Variants in TTLL1 observed in about 807,000 individuals in gnomAD.
The protein encoded by TTLL1 is polyglutamylase complex subunit TTLL1.
In TTLL1, 33 loss-of-function variants were observed where a neutral mutation model predicts 47.8. The observed-to-expected ratio is 0.69, with a 90% CI of 0.52 to 0.92. The LOEUF (loss-of-function observed/expected upper bound fraction) is 0.92. TTLL1 is among the 40% of genes least tolerant of loss of function. The pLI, the probability that TTLL1 is intolerant of heterozygous loss-of-function variation, is 0.00. For synonymous variants in TTLL1, 225 were observed against 214.1 expected, an observed-to-expected ratio of 1.05 and a Z score of -0.45; for missense variants, 488 against 547.5, an observed-to-expected ratio of 0.89 and a Z score of 1.08.
intron 1 of TTLL1, among the ~76,000 whole-genome samples, chr22:43,088,826 CCCTCTTAGCTGATAGG>C (rs1414118949): frequency 1.3e-5 from 2 of 152,152 alleles, no homozygotes; most frequent in Non-Finnish European, 2.9e-5. Context: ...CCCCGCCCTG[CCCTCTTAGCTGATAGG>C]GAATCAGAGA....
intron 3 of TTLL1, among the ~76,000 whole-genome samples, chr22:43,070,987 A>T (rs1432289628): frequency 6.6e-6 from 1 of 152,048 alleles, no homozygotes; most frequent in Non-Finnish European, 1.5e-5. Flanking sequence ...ATCTCGCCGC[A>T]CTGCAACCTC....
At chr22:43,079,134 G>T (rs1928706760) in intron 2 of TTLL1, among the ~76,000 whole-genome samples, 1 of 103,408 alleles carries the variant, frequency 9.7e-6, no homozygotes, top group Admixed American at 1.0e-4. Flanking sequence ...GGGACCATGG[G>T]AGCCGCACCC....
At chr22:43,069,525 C>T in intron 4 of TTLL1, 111 bp downstream of exon 4, 3 of 1,543,276 alleles carry the variant, frequency 1.9e-6, no homozygotes, top group Non-Finnish European at 2.6e-6. Context: ...CCACAACTCG[C>T]ATGGACATGC....
chr22:43,047,411 C>A (rs534379052), intron 9 of TTLL1, among the ~76,000 whole-genome samples: 1 of 152,338 alleles, frequency 6.6e-6, no homozygotes, highest in South Asian at 2.1e-4. Context: ...AAGATCCACA[C>A]ATTAAAATGA....
chr22:43,039,747 G>A lies in TTLL1; in HGVS notation c.*29C>T, dbSNP rs761672005. The A allele has an allele frequency of 7.0e-6, 11 of 1,565,856 alleles. No individual in the cohort carries two copies. The highest frequency in any genetic ancestry group is 1.7e-4 in the Middle Eastern group (1 of 5,880). On this transcript the variant is annotated 3_prime_UTR_variant, in exon 11 of 11. Coordinates refer to ENST00000266254, the MANE Select transcript of TTLL1 (RefSeq NM_012263.5). ...GCTTCAGCAGGGGCCCAGGTGGAGTGAGTAGTTTTGATAAGGTCCAGGTGG... is the reference window on the plus strand; with the variant it reads ...GCTTCAGCAGGGGCCCAGGTGGAGTAAGTAGTTTTGATAAGGTCCAGGTGG...
rs574563364 is a variant in TTLL1 at position 43,050,648 on chromosome 22, C to T, written c.978+1153G>A. Among the ~76,000 whole-genome samples, 20 of 151,840 alleles carry T rather than the reference C, an allele frequency of 1.3e-4. No individual in the cohort carries two copies. The East Asian group carries it at 3.0e-3, about 22-fold the overall frequency. ...AGCGATTCTTCTGCCTCGGCCTCCC[C>T]GGTAGCTGGGATTACAGGTGCACAC... On this transcript the variant is annotated intron_variant, in intron 9 of 10. Coordinates refer to ENST00000266254, the MANE Select transcript of TTLL1 (RefSeq NM_012263.5).
In TTLL1 at chr22:43,075,408, A is replaced by G; in HGVS notation, c.113+66T>C. On this transcript the variant is annotated intron_variant, in intron 3 of 10. Transcript: ENST00000266254. ...GCTCTGAGGCCACTCTCTGGGAGGC[A>G]CTGGAATTAGTAAAACCGATACGTA... 3.0e-6 allele frequency: 4 copies of G among 1,342,138 alleles called. No individual in the cohort carries two copies. The Admixed American group carries it at 5.1e-5, about 17-fold the overall frequency. 83.1% of individuals were successfully genotyped at this position (1,342,138 alleles called of 1,614,324 possible). A position where few individuals can be genotyped will look rare whatever the true frequency, so the allele number is the denominator to read the frequency against.
In TTLL1 at chr22:43,051,992, A is replaced by G. The variant is rs893369410; in HGVS notation, c.892-105T>C. On this transcript the variant is annotated intron_variant, in intron 8 of 10. Transcript: ENST00000266254. ...ATCGTCCCACGTCCCGACCTCCCAC[A>G]GCACAGGTTCCCACCCTCCACCACA... The G allele has an allele frequency of 6.9e-6, 7 of 1,019,446 alleles. No homozygotes were observed. The African/African-American group carries it at 9.4e-5, about 14-fold the overall frequency. The allele number at this position is 1,019,446 out of a possible 1,614,324, so 63.2% of individuals were successfully genotyped here. A position where few individuals can be genotyped will look rare whatever the true frequency, so the allele number is the denominator to read the frequency against.
intron 3 of TTLL1, chr22:43,070,060 G>A: frequency 8.4e-7 from 1 of 1,190,976 alleles, no homozygotes; most frequent in Non-Finnish European, 1.2e-6. Flanking sequence ...CAGGAGCTGT[G>A]CTGATTCTGA....
At chr22:43,085,867 C>T (rs896514928) in intron 1 of TTLL1, among the ~76,000 whole-genome samples, 2 of 152,182 alleles carry the variant, frequency 1.3e-5, no homozygotes, top group Non-Finnish European at 2.9e-5. Context: ...TAGCAACCTC[C>T]TGCGGGGCAG....
At chr22:43,078,216 C>G (rs377693606) in intron 2 of TTLL1, among the ~76,000 whole-genome samples, 3 of 152,222 alleles carry the variant, frequency 2.0e-5, no homozygotes, top group Middle Eastern at 3.4e-3. Flanking sequence ...CCAGACTCAG[C>G]TGGGTGCAGT....
chr22:43,050,626 G>C (rs911492545), intron 9 of TTLL1, among the ~76,000 whole-genome samples: 6 of 151,468 alleles, frequency 4.0e-5, no homozygotes, highest in Non-Finnish European at 8.8e-5. Context: ...CAGTTCAAGC[G>C]ATTCTTCTGC....
intron 9 of TTLL1, among the ~76,000 whole-genome samples, chr22:43,049,861 AG>A (rs749481155): frequency 1.4e-4 from 22 of 151,738 alleles, no homozygotes; most frequent in East Asian, 1.9e-4. Context: ...TGGGAGGCCG[AG>A]GCAGGCAAAT....
At chr22:43,046,176 G>T (rs1403537188) in intron 10 of TTLL1, among the ~76,000 whole-genome samples, 2 of 152,102 alleles carry the variant, frequency 1.3e-5, no homozygotes, top group South Asian at 4.1e-4. Context: ...AGCCAAGATC[G>T]TGCCACTGCA....
At chr22:43,072,789 A>AT (rs896941976) in intron 3 of TTLL1, among the ~76,000 whole-genome samples, 4 of 151,526 alleles carry the variant, frequency 2.6e-5, no homozygotes, top group African/African-American at 9.7e-5. Flanking sequence ...CACCCAGCTA[A>AT]TTTTTTTGAG....
chr22:43,073,824 TA>T (rs1725465803), intron 3 of TTLL1, among the ~76,000 whole-genome samples: 2 of 151,326 alleles, frequency 1.3e-5, no homozygotes, highest in African/African-American at 4.9e-5. Context: ...TTTATTTATT[TA>T]TTTATTTATT....
chr22:43,058,664 C>A (rs565870508), intron 8 of TTLL1, among the ~76,000 whole-genome samples: 1 of 151,894 alleles, frequency 6.6e-6, no homozygotes, highest in Non-Finnish European at 1.5e-5. Flanking sequence ...GATGTGCAGG[C>A]GGCAAGAAAG....
At chr22:43,067,007 A>C (rs1353439581) in intron 5 of TTLL1, among the ~76,000 whole-genome samples, 3 of 151,974 alleles carry the variant, frequency 2.0e-5, no homozygotes, top group Non-Finnish European at 4.4e-5. Flanking sequence ...AAAAAAAAGT[A>C]AACATGCTAT....
At chr22:43,078,664 TGAC>T (rs1928668359) in intron 2 of TTLL1, among the ~76,000 whole-genome samples, 1 of 152,052 alleles carries the variant, frequency 6.6e-6, no homozygotes, top group African/African-American at 2.4e-5. Context: ...GGCAGGATGA[TGAC>T]AACACCCAGG....
Sources: allele counts gnomAD v4.1 joint callset (sites outside exome capture counted in the v4.1 genomes callset), GRCh38; gene constraint gnomAD v4.1.1; transcripts MANE v1.5; gene names NCBI Gene and HGNC (gene_info 2026-07-23, HGNC 2026-07-21).